The following RUNX1T1 variants were observed in gnomAD, a reference collection of about 807,000 sequenced individuals.
The protein encoded by RUNX1T1 is protein CBFA2T1.
A neutral mutation model predicts 62.8 loss-of-function variants in RUNX1T1; 4 were observed. That is an observed-to-expected ratio of 0.06 (90% CI 0.03 to 0.15). RUNX1T1 has a LOEUF of 0.15. Ranked by LOEUF, RUNX1T1 falls within the 10% of genes least tolerant of loss-of-function variation. The pLI, the probability that RUNX1T1 is intolerant of heterozygous loss-of-function variation, is 1.00. For synonymous variants in RUNX1T1, 291 were observed against 286.0 expected, an observed-to-expected ratio of 1.02 and a Z score of -0.18; for missense variants, 508 against 754.3, an observed-to-expected ratio of 0.67 and a Z score of 3.82.
chr8:91,965,926 TCTC>T (rs1349842632), intron 10 of RUNX1T1, among the ~76,000 whole-genome samples: 5 of 151,794 alleles, frequency 3.3e-5, no homozygotes, highest in African/African-American at 9.7e-5. Flanking sequence ...ATAAAATACT[TCTC>T]CTCATCTCAT....
At chr8:91,994,989 G>GC (rs996389104) in intron 5 of RUNX1T1, among the ~76,000 whole-genome samples, 5 of 152,240 alleles carry the variant, frequency 3.3e-5, no homozygotes, top group East Asian at 3.9e-4. Context: ...AGTATCTAAG[G>GC]CAACCACCTT....
At chr8:92,035,770 C>CATAT (rs10608050) in intron 1 of RUNX1T1, among the ~76,000 whole-genome samples, 21 of 149,048 alleles carry the variant, frequency 1.4e-4, no homozygotes, top group Admixed American at 5.4e-4. Context: ...GAAATATCTG[C>CATAT]ATATATATAT....
At position 91,959,411 on chromosome 8, in the gene RUNX1T1, CTTGTGTGT is replaced by C. The variant is rs1421887139; in HGVS notation, c.*823_*830del. 5.9e-4 allele frequency: 96 copies of C among 161,834 alleles called. 1 individual carries two copies. Among genetic ancestry groups the C allele is most frequent in the East Asian group, 3.7e-3 (50 of 13,406 alleles). 10.0% of individuals were successfully genotyped at this position (161,834 alleles called of 1,614,324 possible). A position where few individuals can be genotyped will look rare whatever the true frequency, so the allele number is the denominator to read the frequency against. On this transcript the variant is annotated 3_prime_UTR_variant, in exon 11 of 11. Transcript: ENST00000396218. The stretch of plus-strand genomic sequence containing the variant: ...AATTAACTGCAGGCTGAGTCTCTTA[CTTGTGTGT>C]GTGTGTGTGTGTGTGTGTGTGTGTG...
chr8:91,969,233 A>G (rs1271622036), intron 10 of RUNX1T1, among the ~76,000 whole-genome samples: 6 of 152,228 alleles, frequency 3.9e-5, no homozygotes, highest in Admixed American at 2.0e-4. Flanking sequence ...AGGAATAAAG[A>G]CACAAAGCTT....
At chr8:92,003,776 T>C (rs1820208033) in intron 5 of RUNX1T1, among the ~76,000 whole-genome samples, 1 of 152,190 alleles carries the variant, frequency 6.6e-6, no homozygotes, top group African/African-American at 2.4e-5. Flanking sequence ...ATTAAGCAGT[T>C]CCCTTTAAAA....
intron 1 of RUNX1T1, among the ~76,000 whole-genome samples, chr8:92,099,121 A>G (rs1364352593): frequency 6.6e-5 from 10 of 152,354 alleles, no homozygotes; most frequent in East Asian, 5.8e-4. Context: ...GCATAAATAG[A>G]GTCAAATTTG....
At chr8:91,978,546 G>A (rs1242228795) in intron 8 of RUNX1T1, among the ~76,000 whole-genome samples, 1 of 152,122 alleles carries the variant, frequency 6.6e-6, no homozygotes, top group East Asian at 1.9e-4. Context: ...AGCCATTGAA[G>A]AAGTTTGGAT....
chr8:91,973,353 T>C (rs985014936), intron 9 of RUNX1T1, among the ~76,000 whole-genome samples: 6 of 151,582 alleles, frequency 4.0e-5, no homozygotes, highest in African/African-American at 1.5e-4. Context: ...GAGGAATTTT[T>C]TGTACTTTTT....
intron 1 of RUNX1T1, among the ~76,000 whole-genome samples, chr8:92,077,148 C>T (rs935943934): frequency 3.3e-5 from 5 of 151,950 alleles, no homozygotes; most frequent in African/African-American, 1.2e-4. Flanking sequence ...AGTTTATGTG[C>T]CACATTATGA....
intron 1 of RUNX1T1, among the ~76,000 whole-genome samples, chr8:92,023,210 TA>T (rs1284160248): frequency 6.6e-6 from 1 of 152,180 alleles, no homozygotes; most frequent in East Asian, 1.9e-4. Context: ...TATCTGTAAG[TA>T]ATTACTTCCC....
chr8:91,973,490 A>G (rs1270511549), intron 9 of RUNX1T1, among the ~76,000 whole-genome samples: 2 of 152,048 alleles, frequency 1.3e-5, no homozygotes, highest in African/African-American at 4.8e-5. Flanking sequence ...TGCATTTGTT[A>G]TGCTACATCA....
At chr8:92,093,720 T>C (rs183738399) in intron 1 of RUNX1T1, among the ~76,000 whole-genome samples, 2 of 152,332 alleles carry the variant, frequency 1.3e-5, no homozygotes, top group East Asian at 3.9e-4. Context: ...TGGAAAAGAA[T>C]GAATGTCACT....
intron 1 of RUNX1T1, among the ~76,000 whole-genome samples, chr8:92,027,789 G>A (rs1254794220): frequency 6.6e-6 from 1 of 152,014 alleles, no homozygotes; most frequent in Non-Finnish European, 1.5e-5. Flanking sequence ...AAGAGAATGA[G>A]ATAAATCTAT....
chr8:92,033,232 T>C (rs1826591060), intron 1 of RUNX1T1, among the ~76,000 whole-genome samples: 3 of 152,240 alleles, frequency 2.0e-5, no homozygotes, highest in Admixed American at 6.5e-5. Flanking sequence ...ATTCAAATTC[T>C]AATACATCCA....
In RUNX1T1 at chr8:92,059,106, T is replaced by C. The variant is rs369820035; in HGVS notation, c.7+3440A>G. 5.9e-5 allele frequency among the ~76,000 whole-genome samples: 9 copies of C among 152,178 alleles called. No homozygotes were observed. The East Asian group carries it at 1.7e-3, about 29-fold the overall frequency. ...TTGAAGGGAAGCTGGACTGTCTACA[T>C]TTCTGCTACAAAAAAGTAATGCTGC... On this transcript the variant is annotated intron_variant, in intron 1 of 10. Transcript: ENST00000396218.
chr8:92,069,416 A>C (rs1162604889), intron 2 of RUNX1T1, among the ~76,000 whole-genome samples: 1 of 152,162 alleles, frequency 6.6e-6, no homozygotes. Flanking sequence ...AATAAAAAAA[A>C]AAATCCCAGA....
intron 9 of RUNX1T1, among the ~76,000 whole-genome samples, chr8:91,973,280 G>A (rs2920462): frequency 0.79 from 120,453 of 151,730 alleles, 47,878 homozygotes; most frequent in East Asian, 0.99. Flanking sequence ...AGGATGAAAG[G>A]GAGGAAAAGA....
At chr8:91,993,705 CAT>C (rs1248300771) in intron 5 of RUNX1T1, among the ~76,000 whole-genome samples, 1 of 152,068 alleles carries the variant, frequency 6.6e-6, no homozygotes, top group Non-Finnish European at 1.5e-5. Context: ...AAAAACTCTA[CAT>C]GAGGCCAGGT....
intron 1 of RUNX1T1, among the ~76,000 whole-genome samples, chr8:92,026,685 G>C (rs1825220646): frequency 1.3e-5 from 2 of 151,574 alleles, no homozygotes; most frequent in South Asian, 4.2e-4. Flanking sequence ...AGCCTGGCCT[G>C]GTGGCGGGCG....
Sources: allele counts gnomAD v4.1 joint callset (sites outside exome capture counted in the v4.1 genomes callset), GRCh38; gene constraint gnomAD v4.1.1; transcripts MANE v1.5; gene names NCBI Gene and HGNC (gene_info 2026-07-23, HGNC 2026-07-21).